TENM4: variants seen among roughly 807,000 people sequenced by gnomAD.
The protein encoded by TENM4 is teneurin-4.
A neutral mutation model predicts 243.3 loss-of-function variants in TENM4; 82 were observed. That is an observed-to-expected ratio of 0.34 (90% CI 0.28 to 0.40). The LOEUF (loss-of-function observed/expected upper bound fraction) is 0.40, where lower values mean the gene tolerates loss of function less well. Among genes scored for constraint, TENM4 ranks in the 10% least tolerant of loss-of-function variants. The pLI is 1.00. For synonymous variants in TENM4, 1,412 were observed against 1,456.3 expected (o/e 0.97, Z 0.69); for missense variants, 3,138 against 3,673.3 (o/e 0.85, Z 3.77).
At chr11:79,202,818 C>A (rs1342939400) in intron 3 of TENM4, among the ~76,000 whole-genome samples, 1 of 152,180 alleles carries the variant, frequency 6.6e-6, no homozygotes, top group African/African-American at 2.4e-5. Flanking sequence ...GCTTTATGAG[C>A]ACCCTAGACA....
chr11:79,194,207 G>T (rs1434224573), intron 3 of TENM4, among the ~76,000 whole-genome samples: 1 of 151,906 alleles, frequency 6.6e-6, no homozygotes, highest in Admixed American at 6.6e-5. Flanking sequence ...CCAGACATGT[G>T]GAACTGTAAG....
chr11:79,128,885 G>C (rs1861936652), intron 4 of TENM4, among the ~76,000 whole-genome samples: 1 of 152,098 alleles, frequency 6.6e-6, no homozygotes, highest in Non-Finnish European at 1.5e-5. Flanking sequence ...AAAATTTGAG[G>C]GACTCAAATG....
At chr11:78,929,470 A>G (rs1856624411) in intron 6 of TENM4, among the ~76,000 whole-genome samples, 1 of 152,210 alleles carries the variant, frequency 6.6e-6, no homozygotes, top group South Asian at 2.1e-4. Context: ...AAGAGAGACA[A>G]GAAGGAGAGA....
intron 1 of TENM4, among the ~76,000 whole-genome samples, chr11:79,351,251 C>T (rs1381031191): frequency 6.6e-6 from 1 of 152,184 alleles, no homozygotes; most frequent in Non-Finnish European, 1.5e-5. Context: ...TCCTATCACT[C>T]TTGCCTTCTC....
intron 1 of TENM4, among the ~76,000 whole-genome samples, chr11:79,351,475 G>A (rs1360167901): frequency 1.3e-5 from 2 of 152,128 alleles, no homozygotes; most frequent in Admixed American, 1.3e-4. Context: ...GAAGGCTGAG[G>A]CGGGCAGATC....
intron 1 of TENM4, among the ~76,000 whole-genome samples, chr11:79,358,204 C>T (rs1857529301): frequency 6.6e-6 from 1 of 152,208 alleles, no homozygotes; most frequent in South Asian, 2.1e-4. Flanking sequence ...TCTTCATCCA[C>T]TTAGTAAGCT....
chr11:78,939,616 A>G (rs1856849370), intron 6 of TENM4, among the ~76,000 whole-genome samples: 1 of 152,200 alleles, frequency 6.6e-6, no homozygotes. Context: ...TAATCTCTCC[A>G]TTCTCTATGT....
chr11:79,169,129 G>A (rs939325895), intron 3 of TENM4, among the ~76,000 whole-genome samples: 8 of 152,204 alleles, frequency 5.3e-5, no homozygotes, highest in Non-Finnish European at 1.0e-4. Flanking sequence ...TGGTCACCCA[G>A]ACCCACTTCA....
chr11:79,301,449 C>A (rs777645333), intron 1 of TENM4, among the ~76,000 whole-genome samples: 4 of 152,206 alleles, frequency 2.6e-5, no homozygotes, highest in Admixed American at 6.5e-5. Flanking sequence ...ACTCTTCAGG[C>A]TTCTCGACTC....
At chr11:79,140,366 C>T (rs936982408) in intron 4 of TENM4, among the ~76,000 whole-genome samples, 2 of 152,160 alleles carry the variant, frequency 1.3e-5, no homozygotes, top group South Asian at 2.1e-4. Context: ...ATGGTCTGGA[C>T]TGGTCAGTCC....
chr11:79,078,350 C>T (rs938064121), intron 4 of TENM4, among the ~76,000 whole-genome samples: 52 of 152,252 alleles, frequency 3.4e-4, no homozygotes, highest in African/African-American at 1.1e-3. Flanking sequence ...TCCTGGGTAG[C>T]ATCTGTGTGT....
intron 19 of TENM4, among the ~76,000 whole-genome samples, chr11:78,751,646 G>GT (rs1383958794): frequency 6.6e-6 from 1 of 152,140 alleles, no homozygotes; most frequent in African/African-American, 2.4e-5. Context: ...TCGGCAACCT[G>GT]TAACTATTCA....
chr11:79,296,534 T>C (rs1856457157), intron 2 of TENM4, among the ~76,000 whole-genome samples: 1 of 152,140 alleles, frequency 6.6e-6, no homozygotes, highest in South Asian at 2.1e-4. Context: ...TTGCAGAAAA[T>C]TATCCCACCA....
intron 9 of TENM4, among the ~76,000 whole-genome samples, chr11:78,864,998 T>A (rs903358145): frequency 1.3e-5 from 2 of 152,210 alleles, no homozygotes; most frequent in African/African-American, 4.8e-5. Flanking sequence ...AGGCCCATAG[T>A]AATTGTATTT....
chr11:79,268,930 T>C (rs934555140), intron 2 of TENM4, among the ~76,000 whole-genome samples: 3 of 152,212 alleles, frequency 2.0e-5, no homozygotes, highest in Non-Finnish European at 4.4e-5. Context: ...GCATGAGTTA[T>C]AGGATTGCTG....
Position 79,311,016 on chromosome 11 carries a change from A to G in TENM4, c.-320-13473T>C, listed in dbSNP as rs370562074. Among the ~76,000 whole-genome samples, 9 of 152,292 alleles carry G rather than the reference A, an allele frequency of 5.9e-5. No homozygotes were observed. In the East Asian group the frequency reaches 1.7e-3, roughly 29 times the overall value. ...TAGAGAGTGACTGCTTGGAGATGAA[A>G]GTCTTCAGGTTAATTCATTCCTTCA... On this transcript the variant is annotated intron_variant, in intron 1 of 33. Transcript: ENST00000278550.
intron 14 of TENM4, among the ~76,000 whole-genome samples, chr11:78,809,628 G>A (rs1192564188): frequency 1.3e-5 from 2 of 152,350 alleles, no homozygotes; most frequent in South Asian, 4.1e-4. Flanking sequence ...GTGGGGAGAA[G>A]CGGCCAGCTT....
intron 3 of TENM4, among the ~76,000 whole-genome samples, chr11:79,157,657 C>T (rs963060078): frequency 6.6e-6 from 1 of 152,172 alleles, no homozygotes; most frequent in African/African-American, 2.4e-5. Flanking sequence ...CCTGGAACAT[C>T]CTATCTACTG....
intron 4 of TENM4, among the ~76,000 whole-genome samples, chr11:79,136,220 G>C (rs1862107459): frequency 6.6e-6 from 1 of 152,054 alleles, no homozygotes; most frequent in African/African-American, 2.4e-5. Context: ...TTGGGGAAGA[G>C]GTATGTGATG....
Sources: allele counts gnomAD v4.1 joint callset (sites outside exome capture counted in the v4.1 genomes callset), GRCh38; gene constraint gnomAD v4.1.1; transcripts MANE v1.5; gene names NCBI Gene and HGNC (gene_info 2026-07-23, HGNC 2026-07-21).